Variants in KCNN2 observed in about 807,000 individuals in gnomAD.
KCNN2 encodes small conductance calcium-activated potassium channel protein 2.
In KCNN2, 24 loss-of-function variants were observed where a neutral mutation model predicts 55.5. The ratio of observed to expected loss-of-function variants is 0.43; its 90% CI spans 0.31 to 0.61. KCNN2 has a LOEUF of 0.61. KCNN2 is among the 20% of genes least tolerant of loss of function. The pLI, the probability that KCNN2 is intolerant of heterozygous loss-of-function variation, is 0.08. For missense variants in KCNN2, 754 were observed against 853.6 expected (o/e 0.88, Z 1.45); for synonymous variants, 431 against 336.1 (o/e 1.28, Z -3.09).
intron 1 of KCNN2, among the ~76,000 whole-genome samples, chr5:114,135,155 A>G (rs1752149951): frequency 6.6e-6 from 1 of 151,990 alleles, no homozygotes; most frequent in Non-Finnish European, 1.5e-5. Flanking sequence ...GAAACACGGC[A>G]CCCTAATTTG....
intron 1 of KCNN2, among the ~76,000 whole-genome samples, chr5:114,182,665 T>C (rs568353695): frequency 6.6e-6 from 1 of 152,256 alleles, no homozygotes; most frequent in Admixed American, 6.5e-5. Flanking sequence ...TAATTTCATA[T>C]TCCAACTGTT....
At chr5:114,211,335 A>G (rs1300082267) in intron 1 of KCNN2, among the ~76,000 whole-genome samples, 1 of 152,192 alleles carries the variant, frequency 6.6e-6, no homozygotes, top group Non-Finnish European at 1.5e-5. Flanking sequence ...GGTGGACTGG[A>G]TAAAGAAAAT....
intron 6 of KCNN2, among the ~76,000 whole-genome samples, chr5:114,488,372 A>G (rs1414504437): frequency 6.6e-6 from 1 of 152,124 alleles, no homozygotes; most frequent in Non-Finnish European, 1.5e-5. Context: ...TTTCCTCTGT[A>G]GCTCAGTGAC....
At chr5:114,407,319 A>G (rs1490152208) in intron 3 of KCNN2, among the ~76,000 whole-genome samples, 2 of 151,866 alleles carry the variant, frequency 1.3e-5, no homozygotes, top group African/African-American at 2.4e-5. Flanking sequence ...TTTTTGCTCT[A>G]TATATGGAAG....
intron 4 of KCNN2, 122 bp from the exon 5 acceptor site, chr5:114,472,932 T>C (rs2150124508): frequency 3.5e-6 from 2 of 566,312 alleles, no homozygotes; most frequent in African/African-American, 1.9e-5. Context: ...CTGTAATACT[T>C]ATTGAAGACA....
chr5:114,309,759 TG>T (rs2150025490), intron 2 of KCNN2, among the ~76,000 whole-genome samples: 1 of 152,066 alleles, frequency 6.6e-6, no homozygotes, highest in East Asian at 1.9e-4. Context: ...GTATGATGAA[TG>T]CCATAGTGGA....
At chr5:114,454,451 T>C (rs1411681183) in intron 3 of KCNN2, among the ~76,000 whole-genome samples, 1 of 152,174 alleles carries the variant, frequency 6.6e-6, no homozygotes, top group Non-Finnish European at 1.5e-5. Context: ...GGGGTGATAG[T>C]TGAGTTTTTC....
At chr5:114,410,793 A>G (rs1759107378) in intron 3 of KCNN2, among the ~76,000 whole-genome samples, 1 of 152,142 alleles carries the variant, frequency 6.6e-6, no homozygotes, top group Admixed American at 6.5e-5. Context: ...GGAATGGAAA[A>G]GGGTCATTTG....
At chr5:114,332,216 T>C (rs888719926) in intron 2 of KCNN2, among the ~76,000 whole-genome samples, 1 of 152,198 alleles carries the variant, frequency 6.6e-6, no homozygotes, top group Non-Finnish European at 1.5e-5. Flanking sequence ...TAGAAAAGGA[T>C]GTGTGACAGA....
intron 1 of KCNN2, among the ~76,000 whole-genome samples, chr5:114,135,460 A>G (rs2112618262): frequency 6.6e-6 from 1 of 152,328 alleles, no homozygotes; most frequent in Admixed American, 6.5e-5. Flanking sequence ...CCGACTCCAA[A>G]CAGTCATCTT....
chr5:114,193,303 T>C (rs1417466847), intron 1 of KCNN2, among the ~76,000 whole-genome samples: 1 of 152,126 alleles, frequency 6.6e-6, no homozygotes, highest in Non-Finnish European at 1.5e-5. Flanking sequence ...CTTTATGTTG[T>C]GCTCTAACAT....
At chr5:114,288,792 T>C (rs577276324) in intron 2 of KCNN2, among the ~76,000 whole-genome samples, 7 of 152,272 alleles carry the variant, frequency 4.6e-5, no homozygotes, top group African/African-American at 1.7e-4. Context: ...TTTGCAAATA[T>C]TTTCACGCAT....
chr5:114,226,547 A>C (rs1487521399), intron 2 of KCNN2, among the ~76,000 whole-genome samples: 1 of 152,132 alleles, frequency 6.6e-6, no homozygotes, highest in African/African-American at 2.4e-5. Context: ...ATTTATTCTG[A>C]TTATGCCAAT....
intron 2 of KCNN2, among the ~76,000 whole-genome samples, chr5:114,393,674 C>G (rs1334183542): frequency 6.6e-6 from 1 of 151,952 alleles, no homozygotes; most frequent in East Asian, 1.9e-4. Context: ...TGACTTTTAT[C>G]ATTAATTTCT....
chr5:114,142,073 C>T (rs896443703), intron 1 of KCNN2, among the ~76,000 whole-genome samples: 3 of 152,094 alleles, frequency 2.0e-5, no homozygotes, highest in Admixed American at 1.3e-4. Context: ...TTCTCCCATT[C>T]TGTATGTTGC....
At chr5:114,341,459 G>T (rs1414384177) in intron 2 of KCNN2, among the ~76,000 whole-genome samples, 1 of 152,060 alleles carries the variant, frequency 6.6e-6, no homozygotes, top group Admixed American at 6.5e-5. Flanking sequence ...TTAGGAGAAG[G>T]GGAAAATTAG....
chr5:114,123,650 ACCGCGCCC>A (rs1751871965), intron 1 of KCNN2, among the ~76,000 whole-genome samples: 3 of 63,618 alleles, frequency 4.7e-5, no homozygotes, highest in African/African-American at 1.0e-4. Flanking sequence ...GGCGTGAGCC[ACCGCGCCC>A]GGCCTCATTT....
intron 6 of KCNN2, among the ~76,000 whole-genome samples, chr5:114,488,823 A>G (rs75780698): frequency 1.6e-3 from 238 of 152,154 alleles, no homozygotes; most frequent in African/African-American, 5.5e-3. Flanking sequence ...TGGCAAAATC[A>G]TTTTTTCTAC....
intron 5 of KCNN2, among the ~76,000 whole-genome samples, chr5:114,480,024 A>G (rs1210462121): frequency 6.6e-6 from 1 of 152,160 alleles, no homozygotes; most frequent in East Asian, 1.9e-4. Context: ...TCAGAGCTGA[A>G]CTGAAGAAGA....
Sources: allele counts gnomAD v4.1 joint callset (sites outside exome capture counted in the v4.1 genomes callset), GRCh38; gene constraint gnomAD v4.1.1; transcripts MANE v1.5; gene names NCBI Gene and HGNC (gene_info 2026-07-23, HGNC 2026-07-21).